Variants in SPC25 observed in about 807,000 individuals in gnomAD.
SPC25 encodes kinetochore protein Spc25.
In SPC25, 22 loss-of-function variants were observed where a neutral mutation model predicts 29.6. The ratio of observed to expected loss-of-function variants is 0.74; its 90% confidence interval spans 0.53 to 1.06. The LOEUF is 1.06. Ranked by LOEUF, SPC25 falls within the 50% of genes least tolerant of loss-of-function variation. The pLI is 0.00. For missense variants in SPC25, 230 were observed against 255.8 expected (o/e 0.90, Z 0.69); for synonymous variants, 91 against 90.4 (o/e 1.01, Z -0.04).
At chr2:168,873,759 T>C in intron 5 of SPC25, 76 bp from the exon 6 acceptor site, 1 of 899,056 alleles carries the variant, frequency 1.1e-6, no homozygotes, top group Non-Finnish European at 1.8e-6. Context: ...CTTTGATCAA[T>C]ATCTGCACTG....
chr2:168,888,873 C>G (rs865994993), intron 3 of SPC25, among the ~76,000 whole-genome samples: 2 of 145,834 alleles, frequency 1.4e-5, no homozygotes, highest in Admixed American at 6.8e-5. Context: ...GGGATCCACC[C>G]AACTTGGCCT....
chr2:168,867,713 C>T (rs561080412), downstream of SPC25, among the ~76,000 whole-genome samples: 142 of 152,310 alleles, frequency 9.3e-4, no homozygotes, highest in Admixed American at 1.4e-3. Flanking sequence ...GCACCCAATA[C>T]AGGAGCACCC....
At chr2:168,869,361 A>C (rs1252692391), downstream of SPC25, among the ~76,000 whole-genome samples, 1 of 152,202 alleles carries the variant, frequency 6.6e-6, no homozygotes, top group Non-Finnish European at 1.5e-5. Context: ...GGCCAGGGCA[A>C]TCAGGCAGAA....
At chr2:168,884,606 C>T (rs1690228277) in intron 3 of SPC25, among the ~76,000 whole-genome samples, 2 of 152,132 alleles carry the variant, frequency 1.3e-5, no homozygotes, top group Admixed American at 1.3e-4. Flanking sequence ...TTAACAACAC[C>T]CTTTATTATT....
intron 4 of SPC25, chr2:168,861,830 C>T (rs1236158225): frequency 2.6e-6 from 2 of 771,016 alleles, no homozygotes; most frequent in African/African-American, 1.8e-5. Flanking sequence ...TATAAAATTA[C>T]AAACTTTCCT....
chr2:168,889,462 A>G lies in SPC25; in HGVS notation c.58T>C (p.Phe20Leu). The G allele has an allele frequency of 6.2e-7, 1 of 1,614,114 alleles. No individual in the cohort carries two copies. Among genetic ancestry groups the G allele is most frequent in the Non-Finnish European group, 8.5e-7 (1 of 1,180,022 alleles). Residue 20 changes from phenylalanine to leucine, a missense_variant, in exon 2 of 7, where the codon TTC becomes CTC. Coordinates refer to ENST00000282074, the MANE Select transcript of SPC25 (RefSeq NM_020675.4). ...DKSINEFWNK[F>L]KSTDTSCQMA... The stretch of plus-strand genomic sequence containing the variant: ...TGACAGGAGGTGTCCGTACTTTTGA[A>G]TTTATTCCAAAATTCATTTATGCTT...
chr2:168,872,561 C>G (rs1690014023), intron 6 of SPC25, among the ~76,000 whole-genome samples: 1 of 152,138 alleles, frequency 6.6e-6, no homozygotes, highest in Admixed American at 6.6e-5. Flanking sequence ...GCTTAGGAAA[C>G]AAGGTCCATG....
chr2:168,880,886 G>A (rs1333631684), intron 3 of SPC25, among the ~76,000 whole-genome samples: 2 of 152,120 alleles, frequency 1.3e-5, no homozygotes, highest in Non-Finnish European at 2.9e-5. Flanking sequence ...GTCATTCATG[G>A]CACTTAAAAC....
intron 3 of SPC25, among the ~76,000 whole-genome samples, chr2:168,879,740 A>G (rs188697789): frequency 6.6e-6 from 1 of 152,328 alleles, no homozygotes; most frequent in Non-Finnish European, 1.5e-5. Context: ...ATCAGAGTTA[A>G]TCACTATTTG....
intron 3 of SPC25, among the ~76,000 whole-genome samples, chr2:168,881,917 G>A (rs1019770313): frequency 1.3e-5 from 2 of 152,156 alleles, no homozygotes; most frequent in African/African-American, 4.8e-5. Flanking sequence ...CTCAGTGCTT[G>A]AACAACATCT....
intron 4 of SPC25, 135 bp downstream of exon 4, chr2:168,877,103 A>G (rs1690099593): frequency 1.2e-6 from 1 of 841,364 alleles, no homozygotes. Context: ...TCTTGCAGAG[A>G]TGAGTGGCTG....
At chr2:168,889,583 C>T in intron 1 of SPC25, 50 bp from the exon 2 acceptor site, 1 of 1,541,930 alleles carries the variant, frequency 6.5e-7, no homozygotes, top group Non-Finnish European at 8.8e-7. Flanking sequence ...AATCAAATCA[C>T]CCACATATTC....
At chr2:168,889,035 A>ATATATACATATATACACATATATG (rs1559158696) in intron 3 of SPC25, among the ~76,000 whole-genome samples, 191 bp downstream of exon 3, 14 of 21,900 alleles carry the variant, frequency 6.4e-4, no homozygotes, top group East Asian at 3.3e-3. Flanking sequence ...ATATATATAC[A>ATATATACATATATACACATATATG]TATATATATA....
chr2:168,876,145 C>T lies in SPC25; in HGVS notation c.378G>A (p.Glu126=). The change falls in exon 5 of 7, where the codon GAG becomes GAA. Residue 126 remains glutamate (E), a synonymous_variant. Transcript: ENST00000282074. ...CAGATTTCTGCAGCCTTTTCAACCT[C>T]TCTGCATTCGCTTTATTAGCAGTAG... ...TISTANKANA[E]RLKRLQKSAD... The T allele has an allele frequency of 6.4e-7, 1 of 1,572,110 alleles. No homozygotes were observed. The highest frequency in any genetic ancestry group is 1.4e-5 in the African/African-American group (1 of 72,138).
At chr2:168,875,215 C>T (rs953072165) in intron 5 of SPC25, among the ~76,000 whole-genome samples, 4 of 152,144 alleles carry the variant, frequency 2.6e-5, no homozygotes, top group Admixed American at 2.6e-4. Flanking sequence ...ATGCCTGAAA[C>T]CGTAGATAGT....
Position 168,881,589 on chromosome 2 carries a change from G to A in SPC25, c.200-4205C>T, listed in dbSNP as rs1034943579. On this transcript the variant is annotated intron_variant, in intron 3 of 6. Transcript: ENST00000282074. The stretch of plus-strand genomic sequence containing the variant: ...GCAGAGCCAGTAGAGCTCAAGTGGT[G>A]CTTTATAATGTGCTTATGAATTTCT... Among the ~76,000 whole-genome samples, 4 of 152,170 alleles carry A rather than the reference G, an allele frequency of 2.6e-5. No homozygotes were observed. The East Asian group carries it at 7.7e-4, about 29-fold the overall frequency.
At chr2:168,888,597 C>T (rs1160771880) in intron 3 of SPC25, among the ~76,000 whole-genome samples, 3 of 151,912 alleles carry the variant, frequency 2.0e-5, no homozygotes, top group South Asian at 2.1e-4. Flanking sequence ...AAAACCCCCA[C>T]AATACTAAAC....
At chr2:168,872,802 A>T (rs565877832) in intron 6 of SPC25, among the ~76,000 whole-genome samples, 1 of 152,292 alleles carries the variant, frequency 6.6e-6, no homozygotes, top group African/African-American at 2.4e-5. Flanking sequence ...CTGTATAAGA[A>T]ATCAGATTCT....
At chr2:168,880,988 A>AT (rs1232833317) in intron 3 of SPC25, among the ~76,000 whole-genome samples, 1 of 152,242 alleles carries the variant, frequency 6.6e-6, no homozygotes, top group African/African-American at 2.4e-5. Flanking sequence ...AATTACCAAC[A>AT]TGTGACAGAT....
Sources: gnomAD v4.1 joint callset for allele counts (sites outside exome capture counted in the v4.1 genomes callset) on GRCh38, gnomAD v4.1.1 for gene constraint, MANE v1.5 for transcripts, NCBI Gene and HGNC (gene_info 2026-07-23, HGNC 2026-07-21) for gene names.